ZC3H3: variants seen among roughly 807,000 people sequenced by gnomAD.
ZC3H3 encodes the protein zinc finger CCCH-type containing 3.
ZC3H3 carries 36 observed loss-of-function variants against 77.3 expected under a neutral mutation model. The observed-to-expected ratio is 0.47, with a 90% confidence interval of 0.36 to 0.61. The LOEUF (loss-of-function observed/expected upper bound fraction) is 0.61, where lower values mean the gene tolerates loss of function less well. Ranked by LOEUF, ZC3H3 falls within the 20% of genes least tolerant of loss-of-function variation. The probability of loss-of-function intolerance (pLI) is 0.00; values close to 1 mark genes in which losing one functional copy is unlikely to be tolerated. For synonymous variants in ZC3H3, 626 were observed against 555.2 expected, an observed-to-expected ratio of 1.13 and a Z score of -1.79; for missense variants, 1,331 against 1,312.2, an observed-to-expected ratio of 1.01 and a Z score of -0.22.
At chr8:143,478,385 G>A (rs938391681) in intron 4 of ZC3H3, among the ~76,000 whole-genome samples, 30 of 152,334 alleles carry the variant, frequency 2.0e-4, no homozygotes, top group South Asian at 4.1e-4. Flanking sequence ...AGGCATCAGG[G>A]CCTCTGGGGG....
chr8:143,443,962 G>A (rs569089064), intron 9 of ZC3H3, among the ~76,000 whole-genome samples: 78 of 143,446 alleles, frequency 5.4e-4, no homozygotes, highest in Non-Finnish European at 8.3e-4. Flanking sequence ...TTTACTTGTA[G>A]TTCTTTTTTT....
At chr8:143,442,330 GAC>G (rs2129790414) in intron 9 of ZC3H3, among the ~76,000 whole-genome samples, 1 of 151,424 alleles carries the variant, frequency 6.6e-6, no homozygotes, top group East Asian at 2.0e-4. Context: ...GGGGCCCAGA[GAC>G]CAGGGGCTCC....
At chr8:143,481,613 G>T (rs1820910794) in intron 4 of ZC3H3, among the ~76,000 whole-genome samples, 1 of 152,202 alleles carries the variant, frequency 6.6e-6, no homozygotes, top group African/African-American at 2.4e-5. Flanking sequence ...AGCCGGCGAG[G>T]GGACATCAGA....
chr8:143,525,849 G>A (rs1272718229), intron 3 of ZC3H3, among the ~76,000 whole-genome samples: 11 of 152,250 alleles, frequency 7.2e-5, no homozygotes, highest in Admixed American at 1.3e-4. Context: ...CCATGGAGGC[G>A]GGCAGTGCCT....
intron 9 of ZC3H3, among the ~76,000 whole-genome samples, chr8:143,455,663 T>TA (rs1393874247): frequency 6.6e-6 from 1 of 152,176 alleles, no homozygotes; most frequent in Non-Finnish European, 1.5e-5. Flanking sequence ...CAGTGTGTGA[T>TA]AAACGTTTAG....
intron 2 of ZC3H3, 117 bp downstream of exon 2, chr8:143,537,886 C>A: frequency 8.9e-7 from 1 of 1,119,702 alleles, no homozygotes; most frequent in South Asian, 1.5e-5. Context: ...TCATTTCTTG[C>A]TGGAAATGTG....
At chr8:143,505,200 G>A (rs565877588) in intron 4 of ZC3H3, among the ~76,000 whole-genome samples, 44 of 152,320 alleles carry the variant, frequency 2.9e-4, no homozygotes, top group African/African-American at 1.1e-3. Flanking sequence ...GAGAGCTCTG[G>A]TCTCAGGCTC....
chr8:143,471,431 T>A (rs555470379), intron 5 of ZC3H3, among the ~76,000 whole-genome samples: 1 of 152,340 alleles, frequency 6.6e-6, no homozygotes, highest in Non-Finnish European at 1.5e-5. Context: ...ACGCAGCAGC[T>A]GGCCCACAGC....
At chr8:143,520,820 C>A (rs957099846) in intron 3 of ZC3H3, among the ~76,000 whole-genome samples, 5 of 152,340 alleles carry the variant, frequency 3.3e-5, no homozygotes, top group African/African-American at 1.2e-4. Flanking sequence ...CACTGACAGG[C>A]AGCTCACGGT....
intron 3 of ZC3H3, among the ~76,000 whole-genome samples, chr8:143,514,965 A>G (rs1397900325): frequency 2.6e-5 from 4 of 152,196 alleles, no homozygotes; most frequent in Non-Finnish European, 5.9e-5. Context: ...CTGCTCCTGC[A>G]GGACAAGGCC....
intron 4 of ZC3H3, among the ~76,000 whole-genome samples, chr8:143,478,794 G>A (rs533462036): frequency 6.6e-6 from 1 of 152,360 alleles, no homozygotes; most frequent in Non-Finnish European, 1.5e-5. Flanking sequence ...ACAGGCATGA[G>A]CCACTGCGCC....
intron 3 of ZC3H3, among the ~76,000 whole-genome samples, chr8:143,522,684 C>G (rs2130470573): frequency 6.6e-6 from 1 of 152,248 alleles, no homozygotes; most frequent in Non-Finnish European, 1.5e-5. Flanking sequence ...TTTGGAAGGC[C>G]AAGTTAAGCA....
At chr8:143,535,933 C>G (rs547830340) in intron 3 of ZC3H3, among the ~76,000 whole-genome samples, 1 of 152,258 alleles carries the variant, frequency 6.6e-6, no homozygotes, top group Non-Finnish European at 1.5e-5. Flanking sequence ...GCAGCACAAG[C>G]GAGGGCTTCA....
chr8:143,512,158 G>C (rs1821888622), intron 3 of ZC3H3, among the ~76,000 whole-genome samples: 1 of 152,252 alleles, frequency 6.6e-6, no homozygotes, highest in South Asian at 2.1e-4. Context: ...GAGCAGGGAA[G>C]GGGCTAGTCC....
Position 143,527,279 on chromosome 8 carries a change from G to C in ZC3H3, c.1561+8978C>G, listed in dbSNP as rs1253125504. ...CCAAGACACGTGACTGGGGGGATGT[G>C]CCAGCCCTGGGCTGGGAAGAGAGGG... On this transcript the variant is annotated intron_variant, in intron 3 of 11. Transcript: ENST00000262577. Among the ~76,000 whole-genome samples, 9 of 152,314 alleles carry C rather than the reference G, an allele frequency of 5.9e-5. No individual in the cohort carries two copies. The East Asian group carries it at 1.7e-3, about 29-fold the overall frequency.
At chr8:143,454,292 T>C (rs536807503) in intron 9 of ZC3H3, among the ~76,000 whole-genome samples, 19 of 151,782 alleles carry the variant, frequency 1.3e-4, no homozygotes, top group African/African-American at 4.4e-4. Context: ...GGTTTCACCA[T>C]GTTGACGAGG....
rs562469901 is a variant in ZC3H3 at position 143,440,166 on chromosome 8, G to T, written c.2690C>A (p.Ala897Asp). Residue 897 changes from alanine (A) to aspartate (D), a missense_variant, in exon 11 of 12, where the codon GCC becomes GAC. This residue lies in a region of ZC3H3 where 249 missense variants were observed against 236.9 expected (regional missense o/e 1.05). Coordinates refer to ENST00000262577, the MANE Select transcript of ZC3H3 (RefSeq NM_015117.3). ...DHEAPSLQEAALAAACSNRLC... is the reference protein window; with the variant it reads ...DHEAPSLQEADLAAACSNRLC... ...CCTGTTGGAGCACGCTGCTGCTAAG[G>T]CAGCCTCCTGGAGAGATGGTGCCTC... is the stretch of plus-strand genomic sequence containing the variant. 6 of 1,612,114 alleles carry T rather than the reference G, an allele frequency of 3.7e-6. No homozygotes were observed. In the Admixed American group the frequency reaches 6.7e-5, roughly 18 times the overall value.
chr8:143,438,245 G>A (rs567721234), intron 11 of ZC3H3, among the ~76,000 whole-genome samples, 158 bp from the exon 12 acceptor site: 1 of 152,310 alleles, frequency 6.6e-6, no homozygotes, highest in Non-Finnish European at 1.5e-5. Flanking sequence ...AGGGAGAAGA[G>A]CACAGACAGG....
At chr8:143,526,109 C>T (rs1168359737) in intron 3 of ZC3H3, among the ~76,000 whole-genome samples, 2 of 152,242 alleles carry the variant, frequency 1.3e-5, no homozygotes, top group Non-Finnish European at 2.9e-5. Context: ...GGCTGCTGCC[C>T]CAGTGGGGCC....
Sources: allele counts gnomAD v4.1 joint callset (sites outside exome capture counted in the v4.1 genomes callset), GRCh38; gene constraint gnomAD v4.1.1; regional missense constraint gnomAD v4.1.1; transcripts MANE v1.5; gene names NCBI Gene and HGNC (gene_info 2026-07-23, HGNC 2026-07-21).